The following PLXDC2 variants were observed in gnomAD, a reference collection of about 807,000 sequenced individuals.
PLXDC2 encodes plexin domain-containing protein 2.
A neutral mutation model predicts 68.9 loss-of-function variants in PLXDC2; 40 were observed. The observed-to-expected ratio is 0.58, with a 90% CI of 0.45 to 0.76. PLXDC2 has a LOEUF of 0.76. Among genes scored for constraint, PLXDC2 ranks in the 30% least tolerant of loss-of-function variants. PLXDC2 has a pLI of 0.00. For missense variants in PLXDC2, 644 were observed against 661.9 expected (o/e 0.97, Z 0.30); for synonymous variants, 243 against 234.2 (o/e 1.04, Z -0.34).
In PLXDC2 at chr10:20,280,621, T is replaced by TTAC. The variant is rs1324578597; in HGVS notation, c.*803_*805dup. 6.6e-6 allele frequency: 1 copy of TTAC among 152,084 alleles called. No homozygotes were observed. Among genetic ancestry groups the TTAC allele is most frequent in the East Asian group, 1.9e-4 (1 of 5,176 alleles). 9.4% of individuals were successfully genotyped at this position (152,084 alleles called of 1,614,324 possible). On this transcript the variant is annotated 3_prime_UTR_variant, in exon 14 of 14. Transcript: ENST00000377252. Reference sequence around the variant, plus strand: ...ATCTGATTTATGCTTTATGGAAGCCTTACCTCCAATCCCCAACTGTTAAGT... The same window carrying TTAC: ...ATCTGATTTATGCTTTATGGAAGCCTTACTACCTCCAATCCCCAACTGTTAAGT...
At chr10:19,931,865 T>C (rs1833640504) in intron 1 of PLXDC2, among the ~76,000 whole-genome samples, 1 of 152,112 alleles carries the variant, frequency 6.6e-6, no homozygotes, top group African/African-American at 2.4e-5. Context: ...ACATAAAAAA[T>C]ATTATTGGAG....
At chr10:20,050,694 TAAA>T (rs952496901) in intron 3 of PLXDC2, among the ~76,000 whole-genome samples, 19 of 147,456 alleles carry the variant, frequency 1.3e-4, no homozygotes, top group African/African-American at 4.8e-4. Context: ...TATTAAAAAG[TAAA>T]AAAAAAAACA....
At chr10:19,945,157 G>A (rs560148919) in intron 1 of PLXDC2, among the ~76,000 whole-genome samples, 6 of 152,300 alleles carry the variant, frequency 3.9e-5, no homozygotes, top group Admixed American at 1.3e-4. Context: ...TATGTAAAGA[G>A]TCAGCTTTAT....
chr10:19,835,093 C>A (rs571177303), intron 1 of PLXDC2, among the ~76,000 whole-genome samples: 14 of 152,320 alleles, frequency 9.2e-5, no homozygotes, highest in African/African-American at 3.4e-4. Context: ...CTTCAGGGAA[C>A]TGCCCTTGCC....
chr10:19,950,726 A>T (rs867074693), intron 1 of PLXDC2, among the ~76,000 whole-genome samples: 17 of 152,150 alleles, frequency 1.1e-4, no homozygotes, highest in African/African-American at 3.1e-4. Flanking sequence ...AAAGTTGGAA[A>T]CATCACATTA....
At chr10:19,946,635 G>A (rs905410346) in intron 1 of PLXDC2, among the ~76,000 whole-genome samples, 26 of 151,852 alleles carry the variant, frequency 1.7e-4, no homozygotes, top group Admixed American at 2.0e-4. Flanking sequence ...CAGTTTTTCC[G>A]TGGACGGGGC....
intron 1 of PLXDC2, among the ~76,000 whole-genome samples, chr10:19,831,677 T>C (rs1260381965): frequency 6.6e-6 from 1 of 152,310 alleles, no homozygotes; most frequent in Admixed American, 6.5e-5. Flanking sequence ...AGTAAGAACA[T>C]GTGATATTTG....
intron 13 of PLXDC2, among the ~76,000 whole-genome samples, chr10:20,277,590 C>A (rs185741936): frequency 6.6e-6 from 1 of 152,272 alleles, no homozygotes; most frequent in African/African-American, 2.4e-5. Flanking sequence ...GAGATAACAT[C>A]TCCTATCTCA....
intron 4 of PLXDC2, among the ~76,000 whole-genome samples, chr10:20,084,536 A>C (rs567679523): frequency 6.6e-6 from 1 of 152,196 alleles, no homozygotes; most frequent in South Asian, 2.1e-4. Context: ...TCATGAAGCT[A>C]CAGTGGAGAA....
intron 9 of PLXDC2, among the ~76,000 whole-genome samples, chr10:20,192,773 T>C (rs1402654940): frequency 1.3e-5 from 2 of 152,098 alleles, no homozygotes; most frequent in Non-Finnish European, 2.9e-5. Context: ...TTTAAGATTT[T>C]AGTATGCAAA....
chr10:19,824,821 T>C (rs991317807), intron 1 of PLXDC2, among the ~76,000 whole-genome samples: 1 of 152,250 alleles, frequency 6.6e-6, no homozygotes, highest in Non-Finnish European at 1.5e-5. Context: ...TGGTTTTATT[T>C]TCCTCTTTTT....
chr10:20,152,205 A>T (rs921980307), intron 6 of PLXDC2, among the ~76,000 whole-genome samples: 2 of 152,254 alleles, frequency 1.3e-5, no homozygotes, highest in African/African-American at 4.8e-5. Flanking sequence ...AAGAAAATAC[A>T]TTTAGAGTTA....
chr10:20,103,636 CTTTT>C (rs907644469), intron 4 of PLXDC2, among the ~76,000 whole-genome samples: 1 of 118,558 alleles, frequency 8.4e-6, no homozygotes, highest in African/African-American at 4.2e-5. Context: ...CACATCTTTT[CTTTT>C]TTTTTTTCTT....
chr10:19,819,031 TACACACAC>T (rs63295361), intron 1 of PLXDC2, among the ~76,000 whole-genome samples: 13 of 147,838 alleles, frequency 8.8e-5, no homozygotes, highest in South Asian at 8.6e-4. Context: ...AATATATGTA[TACACACAC>T]ACACACACAC....
At chr10:19,991,239 T>C (rs1390381368) in intron 1 of PLXDC2, among the ~76,000 whole-genome samples, 10 of 135,882 alleles carry the variant, frequency 7.4e-5, no homozygotes, top group Non-Finnish European at 1.1e-4. Flanking sequence ...AGACCGAAAC[T>C]CTCTCTCAAA....
At chr10:20,143,525 C>A in intron 5 of PLXDC2, 108 bp downstream of exon 5, 2 of 1,376,934 alleles carry the variant, frequency 1.5e-6, no homozygotes, top group Non-Finnish European at 2.0e-6. Context: ...GTGTAAACTG[C>A]TTGATGCAAA....
chr10:20,009,831 T>C (rs951370120), intron 2 of PLXDC2, among the ~76,000 whole-genome samples: 1 of 151,436 alleles, frequency 6.6e-6, no homozygotes, highest in East Asian at 1.9e-4. Context: ...AGGAAGGTAC[T>C]TGGAAACTGC....
At chr10:20,111,514 A>T (rs1564318990) in intron 4 of PLXDC2, among the ~76,000 whole-genome samples, 1 of 152,230 alleles carries the variant, frequency 6.6e-6, no homozygotes, top group Non-Finnish European at 1.5e-5. Context: ...ATACACATAC[A>T]TATACTAACA....
intron 1 of PLXDC2, among the ~76,000 whole-genome samples, chr10:19,864,690 C>T (rs999313947): frequency 7.9e-5 from 12 of 152,090 alleles, no homozygotes; most frequent in Non-Finnish European, 1.3e-4. Flanking sequence ...CTATGATAAG[C>T]GTTGTGCTAG....
Sources: allele counts gnomAD v4.1 joint callset (sites outside exome capture counted in the v4.1 genomes callset), GRCh38; gene constraint gnomAD v4.1.1; transcripts MANE v1.5; gene names NCBI Gene and HGNC (gene_info 2026-07-23, HGNC 2026-07-21).